Variants in SGCZ observed in about 807,000 individuals in gnomAD.
SGCZ encodes zeta-sarcoglycan.
Under a neutral mutation model 41.3 loss-of-function variants are expected in SGCZ, and 40 were observed. The ratio of observed to expected loss-of-function variants is 0.97; its 90% CI spans 0.75 to 1.26. The LOEUF (loss-of-function observed/expected upper bound fraction) is 1.26. Among genes scored for constraint, SGCZ ranks in the 50% most tolerant of loss-of-function variants. SGCZ has a pLI of 0.00. For missense variants in SGCZ, 552 were observed against 369.8 expected, an observed-to-expected ratio of 1.49 and a Z score of -4.04; for synonymous variants, 206 against 137.5, an observed-to-expected ratio of 1.50 and a Z score of -3.49.
chr8:14,623,534 T>G (rs1424193292), intron 1 of SGCZ, among the ~76,000 whole-genome samples: 1 of 152,154 alleles, frequency 6.6e-6, no homozygotes, highest in Non-Finnish European at 1.5e-5. Context: ...TTACTTCATG[T>G]GTTTGTAGGC....
intron 1 of SGCZ, among the ~76,000 whole-genome samples, chr8:14,887,302 G>T (rs1381640645): frequency 6.6e-6 from 1 of 152,014 alleles, no homozygotes. Context: ...ACTATATATG[G>T]AGTCAGTCAA....
chr8:14,309,471 G>A lies in SGCZ; in HGVS notation c.336+14632C>T, dbSNP rs527667922. On this transcript the variant is annotated intron_variant, in intron 3 of 7. Coordinates refer to ENST00000382080, the MANE Select transcript of SGCZ (RefSeq NM_139167.4). ...GATGACTGCAGTGATGATGTATGTG[G>A]CGCTGTTGTTAATGTTAGAGCTAAT... 1.4e-5 allele frequency: 22 copies of A among 1,606,268 alleles called. 1 individual carries two copies. The East Asian group carries it at 4.7e-4, about 34-fold the overall frequency.
At chr8:14,682,415 T>A (rs1808476116) in intron 1 of SGCZ, among the ~76,000 whole-genome samples, 2 of 149,896 alleles carry the variant, frequency 1.3e-5, no homozygotes, top group South Asian at 4.2e-4. Flanking sequence ...CACATACATA[T>A]ATAATGCACC....
At chr8:14,415,848 T>G (rs902225796) in intron 2 of SGCZ, among the ~76,000 whole-genome samples, 2 of 151,944 alleles carry the variant, frequency 1.3e-5, no homozygotes, top group East Asian at 1.9e-4. Flanking sequence ...TACACATAAC[T>G]TGGCCAGTGT....
intron 1 of SGCZ, among the ~76,000 whole-genome samples, chr8:14,733,789 A>G (rs942863617): frequency 4.6e-5 from 7 of 152,182 alleles, no homozygotes; most frequent in African/African-American, 1.7e-4. Context: ...CTCAGGGTTA[A>G]TTTTAACTCA....
At chr8:14,853,871 A>G (rs1055696864) in intron 1 of SGCZ, among the ~76,000 whole-genome samples, 15 of 152,024 alleles carry the variant, frequency 9.9e-5, no homozygotes, top group East Asian at 3.9e-4. Context: ...ATGCTTTCAC[A>G]TGACTACAGC....
chr8:14,551,481 T>C (rs113393380), intron 2 of SGCZ, among the ~76,000 whole-genome samples: 2 of 4,984 alleles, frequency 4.0e-4, no homozygotes, highest in Non-Finnish European at 9.2e-4. Flanking sequence ...TATTATATAT[T>C]ATATATATTA....
At chr8:14,159,872 C>A (rs1585189094) in intron 5 of SGCZ, among the ~76,000 whole-genome samples, 1 of 152,144 alleles carries the variant, frequency 6.6e-6, no homozygotes, top group East Asian at 1.9e-4. Flanking sequence ...TAAAAACAAA[C>A]CAGAAGATAT....
At chr8:14,315,282 C>T (rs1471151425) in intron 3 of SGCZ, among the ~76,000 whole-genome samples, 3 of 152,072 alleles carry the variant, frequency 2.0e-5, no homozygotes, top group African/African-American at 4.8e-5. Context: ...TAGCAAATTA[C>T]GTTATATAGA....
intron 1 of SGCZ, among the ~76,000 whole-genome samples, chr8:15,128,977 C>T (rs1807803832): frequency 6.6e-6 from 1 of 152,176 alleles, no homozygotes; most frequent in Non-Finnish European, 1.5e-5. Flanking sequence ...GTTTACCTCT[C>T]CCTGTAAAAG....
intron 1 of SGCZ, among the ~76,000 whole-genome samples, chr8:14,925,161 A>C (rs995644448): frequency 1.3e-5 from 2 of 152,080 alleles, no homozygotes; most frequent in African/African-American, 4.8e-5. Context: ...CCCAGCCAAG[A>C]CATTTTCTTT....
At chr8:14,106,646 C>T (rs1380355116) in intron 6 of SGCZ, among the ~76,000 whole-genome samples, 2 of 152,088 alleles carry the variant, frequency 1.3e-5, no homozygotes, top group Admixed American at 6.6e-5. Context: ...AGTACATATA[C>T]ACTCATCCAA....
At chr8:14,185,798 C>T (rs1306381786) in intron 4 of SGCZ, among the ~76,000 whole-genome samples, 1 of 152,118 alleles carries the variant, frequency 6.6e-6, no homozygotes, top group Non-Finnish European at 1.5e-5. Context: ...AAAAAGTCTC[C>T]AGCACAAAAG....
chr8:14,726,262 C>CAAATAAAAA (rs1810047456), intron 1 of SGCZ, among the ~76,000 whole-genome samples: 1 of 99,230 alleles, frequency 1.0e-5, no homozygotes, highest in African/African-American at 4.3e-5. Context: ...GACTCTGTCT[C>CAAATAAAAA]AAAAAAAAAA....
intron 2 of SGCZ, among the ~76,000 whole-genome samples, chr8:14,436,217 C>A (rs1297751518): frequency 6.6e-6 from 1 of 152,130 alleles, no homozygotes; most frequent in East Asian, 1.9e-4. Flanking sequence ...CAATGAGCCA[C>A]GGAACTCGTG....
intron 4 of SGCZ, among the ~76,000 whole-genome samples, chr8:14,167,529 G>T (rs933045235): frequency 1.3e-5 from 2 of 151,928 alleles, no homozygotes; most frequent in African/African-American, 4.8e-5. Flanking sequence ...CTCTGAGAAA[G>T]TTTATGTCAA....
At chr8:15,171,201 A>T (rs1211631747) in intron 1 of SGCZ, among the ~76,000 whole-genome samples, 1 of 152,172 alleles carries the variant, frequency 6.6e-6, no homozygotes, top group East Asian at 1.9e-4. Context: ...GTAGTCTTTG[A>T]GTTAGTTCAT....
intron 1 of SGCZ, among the ~76,000 whole-genome samples, chr8:14,819,072 C>A (rs1022724853): frequency 2.0e-5 from 3 of 151,300 alleles, no homozygotes; most frequent in Non-Finnish European, 4.4e-5. Context: ...TAGATTCAAC[C>A]CAAAAGAACC....
intron 1 of SGCZ, among the ~76,000 whole-genome samples, chr8:15,199,388 A>T (rs1177911848): frequency 6.6e-6 from 1 of 152,174 alleles, no homozygotes; most frequent in Non-Finnish European, 1.5e-5. Context: ...TAAATACAGA[A>T]TTTATTTCTA....
Sources: gnomAD v4.1 joint callset for allele counts (sites outside exome capture counted in the v4.1 genomes callset) on GRCh38, gnomAD v4.1.1 for gene constraint, MANE v1.5 for transcripts, NCBI Gene and HGNC (gene_info 2026-07-23, HGNC 2026-07-21) for gene names.